The following UMAD1 variants were observed in gnomAD, a reference collection of about 807,000 sequenced individuals.
The protein encoded by UMAD1 is UBAP1-MVB12-associated (UMA)-domain containing protein 1.
UMAD1 carries 8 observed loss-of-function variants against 6.1 expected under a neutral mutation model. That is an observed-to-expected ratio of 1.30 (90% CI 0.76 to 2.35). The LOEUF (loss-of-function observed/expected upper bound fraction) is 2.35, where lower values mean the gene tolerates loss of function less well. UMAD1 is among the 30% of genes most tolerant of loss of function. The probability of loss-of-function intolerance (pLI) is 0.00; values close to 1 mark genes in which losing one functional copy is unlikely to be tolerated. For synonymous variants in UMAD1, 56 were observed against 31.4 expected (o/e 1.78, Z -2.61); for missense variants, 130 against 78.4 (o/e 1.66, Z -2.49).
intron 2 of UMAD1, among the ~76,000 whole-genome samples, chr7:7,707,272 G>T (rs149925008): frequency 6.6e-6 from 1 of 152,236 alleles, no homozygotes; most frequent in East Asian, 1.9e-4. Context: ...AATATGGAAT[G>T]AATGTTATCA....
At chr7:7,676,490 A>T (rs1388931695) in intron 2 of UMAD1, among the ~76,000 whole-genome samples, 1 of 152,184 alleles carries the variant, frequency 6.6e-6, no homozygotes, top group South Asian at 2.1e-4. Context: ...TTTGTAAAAA[A>T]AGTTATATCA....
intron 2 of UMAD1, among the ~76,000 whole-genome samples, chr7:7,697,603 G>T (rs1780352291): frequency 6.6e-6 from 1 of 152,140 alleles, no homozygotes; most frequent in Non-Finnish European, 1.5e-5. Context: ...CTTGGGGTGG[G>T]CACCTAACTT....
At position 7,642,832 on chromosome 7, in the gene UMAD1, A is replaced by G. The variant is rs185036915; in HGVS notation, c.-64+2011A>G. ...AGCCATAAGTAAACACTATCTTGAA[A>G]TTTGTGTTAAGCTTCCTAAGCTTTT... is the stretch of plus-strand genomic sequence containing the variant. On this transcript the variant is annotated intron_variant, in intron 1 of 3. Coordinates refer to ENST00000682710, the MANE Select transcript of UMAD1 (RefSeq NM_001302348.2). 2.6e-5 allele frequency among the ~76,000 whole-genome samples: 4 copies of G among 152,262 alleles called. No individual in the cohort carries two copies. In the East Asian group the frequency reaches 7.7e-4, roughly 29 times the overall value.
intron 2 of UMAD1, among the ~76,000 whole-genome samples, chr7:7,771,140 T>A (rs1782092049): frequency 6.6e-6 from 1 of 151,646 alleles, no homozygotes; most frequent in South Asian, 2.1e-4. Context: ...TTTTTTTTCT[T>A]GGAACGCTTT....
intron 1 of UMAD1, among the ~76,000 whole-genome samples, chr7:7,653,045 CTTA>C (rs1785259399): frequency 6.6e-6 from 1 of 152,222 alleles, no homozygotes; most frequent in Non-Finnish European, 1.5e-5. Context: ...CATCCCATGA[CTTA>C]ATTCTCCCTT....
At chr7:7,747,755 T>G (rs986663378) in intron 2 of UMAD1, among the ~76,000 whole-genome samples, 31 of 152,266 alleles carry the variant, frequency 2.0e-4, no homozygotes, top group African/African-American at 7.5e-4. Flanking sequence ...GTTGCCTTAT[T>G]TCTCCATTTA....
At chr7:7,649,579 T>G (rs923927991) in intron 1 of UMAD1, among the ~76,000 whole-genome samples, 1 of 152,226 alleles carries the variant, frequency 6.6e-6, no homozygotes, top group South Asian at 2.1e-4. Context: ...TTGTTGTTAT[T>G]TTTTCCTTTC....
chr7:7,837,370 G>A (rs1468711267), intron 3 of UMAD1, among the ~76,000 whole-genome samples: 3 of 152,132 alleles, frequency 2.0e-5, no homozygotes, highest in Non-Finnish European at 2.9e-5. Context: ...AAGAGGGAAT[G>A]ACGAACTAAG....
intron 3 of UMAD1, among the ~76,000 whole-genome samples, chr7:7,854,017 C>G (rs1783968167): frequency 6.6e-6 from 1 of 152,130 alleles, no homozygotes; most frequent in Non-Finnish European, 1.5e-5. Context: ...TTAGTCCGTT[C>G]TCACGTTGCC....
At chr7:7,725,137 G>A (rs1781115687) in intron 2 of UMAD1, among the ~76,000 whole-genome samples, 1 of 152,234 alleles carries the variant, frequency 6.6e-6, no homozygotes. Flanking sequence ...TCCTTCTAAG[G>A]TGAAGGATAA....
chr7:7,801,225 A>G (rs1157859400), intron 2 of UMAD1, among the ~76,000 whole-genome samples: 1 of 152,242 alleles, frequency 6.6e-6, no homozygotes, highest in Non-Finnish European at 1.5e-5. Flanking sequence ...ATTATTACAT[A>G]TAAACATACA....
intron 1 of UMAD1, among the ~76,000 whole-genome samples, chr7:7,668,610 C>T (rs922763649): frequency 6.6e-6 from 1 of 152,064 alleles, no homozygotes; most frequent in African/African-American, 2.4e-5. Flanking sequence ...TGTAATGAAA[C>T]CAGTTTTACC....
chr7:7,666,140 G>C (rs569371859), intron 1 of UMAD1, among the ~76,000 whole-genome samples: 21 of 152,206 alleles, frequency 1.4e-4, no homozygotes, highest in African/African-American at 4.8e-4. Flanking sequence ...AAGAGTTCCA[G>C]TTGCTCCATA....
chr7:7,647,496 TTC>T (rs1357125267), intron 1 of UMAD1, among the ~76,000 whole-genome samples: 1 of 152,236 alleles, frequency 6.6e-6, no homozygotes, highest in Non-Finnish European at 1.5e-5. Context: ...GTTCACATAA[TTC>T]TGTTTTCTTT....
chr7:7,755,731 T>C (rs1237954308), intron 2 of UMAD1, among the ~76,000 whole-genome samples: 1 of 152,162 alleles, frequency 6.6e-6, no homozygotes, highest in Non-Finnish European at 1.5e-5. Flanking sequence ...TAAGAAACCA[T>C]TTTTAAAATT....
At chr7:7,761,258 G>A (rs1010876463) in intron 2 of UMAD1, among the ~76,000 whole-genome samples, 1 of 151,450 alleles carries the variant, frequency 6.6e-6, no homozygotes, top group African/African-American at 2.4e-5. Context: ...CCAGCTACTC[G>A]GGAGGCTGAT....
intron 3 of UMAD1, among the ~76,000 whole-genome samples, chr7:7,853,309 G>C (rs570082923): frequency 2.4e-4 from 36 of 152,212 alleles, no homozygotes; most frequent in Admixed American, 5.9e-4. Context: ...CTGGATTCCT[G>C]GCAATTCCAT....
chr7:7,730,765 A>G (rs1332356555), intron 2 of UMAD1, among the ~76,000 whole-genome samples: 1 of 152,242 alleles, frequency 6.6e-6, no homozygotes, highest in Admixed American at 6.5e-5. Context: ...AAATCTAAGC[A>G]ATATTAAGCA....
At chr7:7,652,162 A>AT (rs1785236113) in intron 1 of UMAD1, among the ~76,000 whole-genome samples, 1 of 152,122 alleles carries the variant, frequency 6.6e-6, no homozygotes, top group South Asian at 2.1e-4. Flanking sequence ...TGGACAAAGT[A>AT]TTTTCCACAT....
Sources: gnomAD v4.1 joint callset for allele counts (sites outside exome capture counted in the v4.1 genomes callset) on GRCh38, gnomAD v4.1.1 for gene constraint, MANE v1.5 for transcripts, NCBI Gene and HGNC (gene_info 2026-07-23, HGNC 2026-07-21) for gene names.